TRIM23: variants seen among roughly 807,000 people sequenced by gnomAD.
TRIM23 encodes the protein E3 ubiquitin-protein ligase TRIM23.
In TRIM23, 27 loss-of-function variants were observed where a neutral mutation model predicts 71.0. That is an observed-to-expected ratio of 0.38 (90% CI 0.28 to 0.52). The LOEUF is 0.52. Among genes scored for constraint, TRIM23 ranks in the 20% least tolerant of loss-of-function variants. The probability of loss-of-function intolerance (pLI) is 0.84; values close to 1 mark genes in which losing one functional copy is unlikely to be tolerated. For missense variants in TRIM23, 482 were observed against 692.3 expected (o/e 0.70, Z 3.41); for synonymous variants, 234 against 238.0 (o/e 0.98, Z 0.16).
chr5:65,590,576 TTAAA>T lies in TRIM23; in HGVS notation c.*1189_*1192del, dbSNP rs1753992554. ...AAAAAAAAAGTCTCAATGTACCTAT[TTAAA>T]TAAATCGTGCTTCCATAATAATATT... is the stretch of plus-strand genomic sequence containing the variant. On this transcript the variant is annotated 3_prime_UTR_variant, in exon 11 of 11. Transcript: ENST00000231524. The T allele has an allele frequency of 1.1e-5, 12 of 1,051,722 alleles. No individual in the cohort carries two copies. The highest frequency in any genetic ancestry group is 5.3e-5 in the Admixed American group (1 of 18,978). 65.1% of individuals were successfully genotyped at this position (1,051,722 alleles called of 1,614,324 possible). A position where few individuals can be genotyped will look rare whatever the true frequency, so the allele number is the denominator to read the frequency against.
At chr5:65,613,002 T>C (rs373143143) in intron 3 of TRIM23, among the ~76,000 whole-genome samples, 1 of 152,140 alleles carries the variant, frequency 6.6e-6, no homozygotes, top group South Asian at 2.1e-4. Context: ...TAAAAGGCCA[T>C]AATTGGAAGG....
chr5:65,605,860 C>T (rs947369056), intron 6 of TRIM23, among the ~76,000 whole-genome samples: 5 of 152,304 alleles, frequency 3.3e-5, no homozygotes, highest in African/African-American at 1.2e-4. Context: ...TTGTTCAGGA[C>T]AAACGCTGAA....
chr5:65,619,909 C>T (rs377663125), intron 1 of TRIM23, among the ~76,000 whole-genome samples: 34 of 152,056 alleles, frequency 2.2e-4, no homozygotes, highest in African/African-American at 7.5e-4. Flanking sequence ...TGGTGAAATC[C>T]CATCTCTACT....
rs778697330 is a variant in TRIM23 at position 65,611,672 on chromosome 5, T to C, written c.576A>G (p.Glu192=). ...QVHAIEFVCL[E]EGCQTSPLMC... ...TGAGTGGGCTAGTTTGACAACCTTC[T>C]TCCAAGCAAACAAACTCAATGGCAT... The change falls in exon 4 of 11, where the codon GAA becomes GAG. Residue 192 remains glutamate, a synonymous_variant. Transcript: ENST00000231524. 3 of 1,614,092 alleles carry C rather than the reference T, an allele frequency of 1.9e-6. No individual in the cohort carries two copies. The highest frequency in any genetic ancestry group is 1.1e-5 in the South Asian group (1 of 91,092).
Position 65,590,607 on chromosome 5 carries a change from T to C in TRIM23, c.*1162A>G. On this transcript the variant is annotated 3_prime_UTR_variant, in exon 11 of 11. Transcript: ENST00000231524. ...AAATCGTGCTTCCATAATAATATTC[T>C]TTAAAAATGAAAAACAGTAAAGAGC... 6 of 1,005,500 alleles carry C rather than the reference T, an allele frequency of 6.0e-6. No homozygotes were observed. Among genetic ancestry groups the C allele is most frequent in the Non-Finnish European group, 7.2e-6 (6 of 836,248 alleles). 62.3% of individuals were successfully genotyped at this position (1,005,500 alleles called of 1,614,324 possible).
At position 65,590,455 on chromosome 5, in the gene TRIM23, A is replaced by G; in HGVS notation, c.*1314T>C. ...GAATGAACCACAACAGTGCTACCAA[A>G]AAGTCACATCTTGTTACCAGACATC... On this transcript the variant is annotated 3_prime_UTR_variant, in exon 11 of 11. Coordinates refer to ENST00000231524, the MANE Select transcript of TRIM23 (RefSeq NM_001656.4). 7.7e-7 allele frequency: 1 copy of G among 1,292,906 alleles called. No homozygotes were observed. Among genetic ancestry groups the G allele is most frequent in the Non-Finnish European group, 9.9e-7 (1 of 1,011,006 alleles). The allele number at this position is 1,292,906 out of a possible 1,614,324, so 80.1% of individuals were successfully genotyped here.
At position 65,610,855 on chromosome 5, in the gene TRIM23, C is replaced by T. The variant is rs1324732953; in HGVS notation, c.828+6G>A. 1 of 1,558,190 alleles carries T rather than the reference C, an allele frequency of 6.4e-7. No individual in the cohort carries two copies. Among genetic ancestry groups the T allele is most frequent in the Non-Finnish European group, 8.6e-7 (1 of 1,156,344 alleles). ...TGAGAAAGTGAAGAAGAAAAAAAAT[C>T]CATACATGTTCTGTGTGAGCCATTC... is the stretch of plus-strand genomic sequence containing the variant. On this transcript the variant is annotated splice_donor_region_variant and intron_variant, in intron 5 of 10. Coordinates refer to ENST00000231524, the MANE Select transcript of TRIM23 (RefSeq NM_001656.4).
Position 65,590,895 on chromosome 5 carries a change from G to C in TRIM23, c.*874C>G. ...TAAATAAAGCCAACCCTGGTTCTGC[G>C]TTACTTACTACATTTTACCTATAGT... On this transcript the variant is annotated 3_prime_UTR_variant, in exon 11 of 11. Coordinates refer to ENST00000231524, the MANE Select transcript of TRIM23 (RefSeq NM_001656.4). 1 of 985,208 alleles carries C rather than the reference G, an allele frequency of 1.0e-6. No homozygotes were observed. Among genetic ancestry groups the C allele is most frequent in the African/African-American group, 1.7e-5 (1 of 57,296 alleles). The allele number at this position is 985,208 out of a possible 1,614,324, so 61.0% of individuals were successfully genotyped here. A position where few individuals can be genotyped will look rare whatever the true frequency, so the allele number is the denominator to read the frequency against.
At chr5:65,592,218 C>G (rs1488158125) in intron 10 of TRIM23, among the ~76,000 whole-genome samples, 1 of 151,988 alleles carries the variant, frequency 6.6e-6, no homozygotes, top group African/African-American at 2.4e-5. Flanking sequence ...AGGAAACATA[C>G]TGCCTAAGTA....
intron 3 of TRIM23, chr5:65,613,850 G>A: frequency 7.2e-7 from 1 of 1,394,376 alleles, no homozygotes; most frequent in African/African-American, 1.4e-5. Context: ...TTTATTCTTG[G>A]TAGAACTGAA....
chr5:65,617,531 T>C (rs1226537403), intron 2 of TRIM23, among the ~76,000 whole-genome samples: 7 of 152,182 alleles, frequency 4.6e-5, no homozygotes, highest in African/African-American at 1.7e-4. Context: ...AAATCTGGTA[T>C]CTGAAAATAA....
chr5:65,605,396 G>A (rs1754468854), intron 6 of TRIM23, among the ~76,000 whole-genome samples: 1 of 152,082 alleles, frequency 6.6e-6, no homozygotes, highest in Admixed American at 6.5e-5. Context: ...CCAAAATTAA[G>A]ATATACATTA....
At chr5:65,597,761 C>T (rs1013585336) in intron 7 of TRIM23, among the ~76,000 whole-genome samples, 2 of 151,986 alleles carry the variant, frequency 1.3e-5, no homozygotes, top group South Asian at 4.1e-4. Context: ...TTAACTAAAC[C>T]CCCAACTGAT....
chr5:65,620,462 T>C (rs1229735795), intron 1 of TRIM23, among the ~76,000 whole-genome samples: 1 of 152,188 alleles, frequency 6.6e-6, no homozygotes, highest in Non-Finnish European at 1.5e-5. Context: ...ACTATAAAAC[T>C]ATATAGGATA....
Position 65,614,081 on chromosome 5 carries a change from C to T in TRIM23, c.366+17G>A. ...ATTCATGCTCGTAACAAATATTTCA[C>T]CAAGTATGATCAATACCTCTCCAGA... On this transcript the variant is annotated intron_variant, in intron 3 of 10. Transcript: ENST00000231524. 3 of 1,606,520 alleles carry T rather than the reference C, an allele frequency of 1.9e-6. No homozygotes were observed. The highest frequency in any genetic ancestry group is 2.5e-6 in the Non-Finnish European group (3 of 1,177,528).
intron 1 of TRIM23, among the ~76,000 whole-genome samples, chr5:65,620,719 A>G (rs1754910493): frequency 6.6e-6 from 1 of 152,192 alleles, no homozygotes; most frequent in South Asian, 2.1e-4. Flanking sequence ...TCTGTCTATT[A>G]TTCATATATA....
At chr5:65,617,415 C>T (rs953373945) in intron 2 of TRIM23, among the ~76,000 whole-genome samples, 3 of 152,078 alleles carry the variant, frequency 2.0e-5, no homozygotes, top group African/African-American at 7.2e-5. Context: ...AAAAAAATGG[C>T]AACCTTAAAC....
At chr5:65,604,355 A>G (rs1367094713) in intron 7 of TRIM23, among the ~76,000 whole-genome samples, 1 of 152,132 alleles carries the variant, frequency 6.6e-6, no homozygotes, top group Non-Finnish European at 1.5e-5. Context: ...TCGGCCTCCC[A>G]AAGTGCTGTT....
rs149524947 is a variant in TRIM23, at chr5:65,597,121, A to G, written c.1239T>C (p.Asp413=). ...MEIRVVTLGL[D]GAGKTTILFK... is the part of the protein sequence containing the mutation. ...ACAAGATAGTAGTTTTTCCAGCACC[A>G]TCCAATCCTAACGTAACGACCCGAA... Residue 413 remains aspartate, a synonymous_variant, in exon 8 of 11, where the codon GAT becomes GAC. Coordinates refer to ENST00000231524, the MANE Select transcript of TRIM23 (RefSeq NM_001656.4). 799 of 1,614,094 alleles carry G rather than the reference A, an allele frequency of 5.0e-4. 1 individual carries two copies. Among genetic ancestry groups the G allele is most frequent in the Non-Finnish European group, 6.4e-4 (757 of 1,180,022 alleles).
Sources: gnomAD v4.1 joint callset for allele counts (sites outside exome capture counted in the v4.1 genomes callset) on GRCh38, gnomAD v4.1.1 for gene constraint, MANE v1.5 for transcripts, NCBI Gene and HGNC (gene_info 2026-07-23, HGNC 2026-07-21) for gene names.